The following TLR5 variants were observed in gnomAD, a reference collection of about 807,000 sequenced individuals.
TLR5 encodes toll-like receptor 5.
For missense variants in TLR5, 944 were observed against 999.8 expected, an observed-to-expected ratio of 0.94 and a Z score of 0.75; for synonymous variants, 373 against 384.4, an observed-to-expected ratio of 0.97 and a Z score of 0.35.
chr1:223,111,600 G>C lies in TLR5; in HGVS notation c.1432C>G (p.Leu478Val). ...TGCAACATATTTTCTCCAAGGAAAA[G>C]CTGTTCTAAGCTGGGATTCTCTGAA... ...TPSENPSLEQ[L>V]FLGENMLQLA... is the part of the protein sequence containing the mutation. The change falls in exon 6 of 6, where the codon CTT (leucine) becomes GTT (valine). Residue 478 changes from leucine (L) to valine (V), a missense_variant. Transcript: ENST00000642603. 6.2e-7 allele frequency: 1 copy of C among 1,614,190 alleles called. No homozygotes were observed. Among genetic ancestry groups the C allele is most frequent in the African/African-American group, 1.3e-5 (1 of 75,054 alleles).
At position 223,110,494 on chromosome 1, in the gene TLR5, GTCTT is replaced by G. The variant is rs778555339; in HGVS notation, c.2534_2537del (p.Lys845ThrfsTer9). On this transcript the variant is annotated frameshift_variant, in exon 6 of 6. Coordinates refer to ENST00000642603, the MANE Select transcript of TLR5 (RefSeq NM_003268.6). LOFTEE classifies it low-confidence loss of function (END_TRUNC). Reference sequence around the variant, plus strand: ...CTACAGTTTGCAACGGAATGTTATTGTCTTTCTTCTTTTCTTTTTCTTTCTTTAG... The same window carrying G: ...CTACAGTTTGCAACGGAATGTTATTGTCTTCTTTTCTTTTTCTTTCTTTAG... 1 of 1,614,124 alleles carries G rather than the reference GTCTT, an allele frequency of 6.2e-7. No homozygotes were observed. Among genetic ancestry groups the G allele is most frequent in the South Asian group, 1.1e-5 (1 of 91,078 alleles).
intron 5 of TLR5, among the ~76,000 whole-genome samples, chr1:223,114,768 A>C (rs1043398423): frequency 1.3e-5 from 2 of 152,226 alleles, no homozygotes; most frequent in African/African-American, 2.4e-5. Flanking sequence ...GAGAATGTTT[A>C]TCACCACTCT....
intron 5 of TLR5, among the ~76,000 whole-genome samples, chr1:223,116,609 T>C (rs1202631025): frequency 1.3e-5 from 2 of 152,200 alleles, no homozygotes; most frequent in Admixed American, 1.3e-4. Flanking sequence ...GGGCTGCCAC[T>C]GCTGGCCGCC....
chr1:223,123,825 A>G (rs956104944), intron 5 of TLR5: 1 of 152,256 alleles, frequency 6.6e-6, no homozygotes, highest in Non-Finnish European at 1.5e-5. Flanking sequence ...CGAGAGTTCA[A>G]GAACGGCGTC....
At position 223,112,000 on chromosome 1, in the gene TLR5, T is replaced by C; in HGVS notation, c.1032A>G (p.Ser344=). 1.2e-6 allele frequency: 2 copies of C among 1,614,236 alleles called. No individual in the cohort carries two copies. The highest frequency in any genetic ancestry group is 1.7e-6 in the Non-Finnish European group (2 of 1,180,038). ...GLDNLQVLNL[S]YNLLGELYSS... The stretch of plus-strand genomic sequence containing the variant: ...TGTAAAGTTCCCCCAGAAGGTTATA[T>C]GACAAATTGAGAACTTGGAGGTTGT... Residue 344 remains serine (S), a synonymous_variant, in exon 6 of 6, where the codon TCA becomes TCG. Coordinates refer to ENST00000642603, the MANE Select transcript of TLR5 (RefSeq NM_003268.6).
chr1:223,140,942 A>G (rs1374782252), intron 2 of TLR5, among the ~76,000 whole-genome samples: 1 of 152,236 alleles, frequency 6.6e-6, no homozygotes, highest in Admixed American at 6.5e-5. Context: ...AGCAGGGACT[A>G]TGCCTCAAAC....
Position 223,112,749 on chromosome 1 carries a change from G to A in TLR5, c.283C>T (p.Pro95Ser), listed in dbSNP as rs1415924342. ...CCCAGGTCCAAGATTCTAAGGTTGG[G>A]CAGGTTTCTGAAGGCCTCCTTGTCA... ...TIDKEAFRNL[P>S]NLRILDLGSS... Residue 95 changes from proline (P) to serine (S), a missense_variant, in exon 6 of 6, where the codon CCC becomes TCC. Transcript: ENST00000642603. 1.2e-6 allele frequency: 2 copies of A among 1,614,114 alleles called. No homozygotes were observed. Among genetic ancestry groups the A allele is most frequent in the South Asian group, 2.2e-5 (2 of 91,062 alleles).
Position 223,111,925 on chromosome 1 carries a change from C to A in TLR5, c.1107G>T (p.Lys369Asn), listed in dbSNP as rs775109650. 1.9e-6 allele frequency: 3 copies of A among 1,614,106 alleles called. No homozygotes were observed. Among genetic ancestry groups the A allele is most frequent in the Non-Finnish European group, 2.5e-6 (3 of 1,180,018 alleles). Residue 369 changes from lysine (K) to asparagine (N), a missense_variant, in exon 6 of 6, where the codon AAG (lysine) becomes AAT (asparagine). Coordinates refer to ENST00000642603, the MANE Select transcript of TLR5 (RefSeq NM_003268.6). Reference sequence around the variant, plus strand: ...GGTCTTGAATTATTGCAATGTGATTCTTTTGCAAATCAATGTAGGCTACCT... The same window carrying A: ...GGTCTTGAATTATTGCAATGTGATTATTTTGCAAATCAATGTAGGCTACCT... ...LPKVAYIDLQ[K>N]NHIAIIQDQT...
intron 5 of TLR5, chr1:223,128,945 C>CA (rs1558129746): frequency 6.6e-6 from 1 of 152,234 alleles, no homozygotes; most frequent in East Asian, 1.9e-4. Flanking sequence ...AACTTGCAGT[C>CA]AAGACCCTCT....
intron 2 of TLR5, among the ~76,000 whole-genome samples, chr1:223,139,822 T>G (rs1178271271): frequency 1.3e-5 from 2 of 152,228 alleles, no homozygotes; most frequent in African/African-American, 4.8e-5. Context: ...ATCTAATTTA[T>G]CCAATCTGAG....
chr1:223,124,342 C>G (rs559542607), intron 5 of TLR5, among the ~76,000 whole-genome samples: 219 of 151,510 alleles, frequency 1.4e-3, no homozygotes, highest in African/African-American at 5.1e-3. Context: ...ACTTGGGAGG[C>G]TGAAGCAGGA....
At chr1:223,125,861 C>A (rs923475468) in intron 5 of TLR5, among the ~76,000 whole-genome samples, 1 of 152,156 alleles carries the variant, frequency 6.6e-6, no homozygotes, top group Non-Finnish European at 1.5e-5. Flanking sequence ...GGTGACTCCA[C>A]CAGCAGAGAG....
At chr1:223,114,261 C>G (rs1656515291) in intron 5 of TLR5, among the ~76,000 whole-genome samples, 1 of 152,094 alleles carries the variant, frequency 6.6e-6, no homozygotes, top group East Asian at 1.9e-4. Context: ...GCTTATGTTC[C>G]AAGTATTGTG....
intron 5 of TLR5, among the ~76,000 whole-genome samples, chr1:223,114,018 T>A (rs772185323): frequency 2.0e-5 from 3 of 152,174 alleles, no homozygotes; most frequent in Non-Finnish European, 4.4e-5. Context: ...GTCCATCCCA[T>A]CATGCAGAAA....
At chr1:223,140,862 C>T (rs1657810315) in intron 2 of TLR5, among the ~76,000 whole-genome samples, 1 of 152,218 alleles carries the variant, frequency 6.6e-6, no homozygotes, top group Non-Finnish European at 1.5e-5. Flanking sequence ...TACTTTCGCA[C>T]TTAATTGCGC....
At chr1:223,130,374 C>T (rs1414131132) in intron 5 of TLR5, among the ~76,000 whole-genome samples, 1 of 152,204 alleles carries the variant, frequency 6.6e-6, no homozygotes, top group Non-Finnish European at 1.5e-5. Flanking sequence ...ACTGTGTTGC[C>T]AGCACCTAGA....
Position 223,110,552 on chromosome 1 carries a change from C to T in TLR5, c.2480G>A (p.Trp827Ter). 12 of 1,614,044 alleles carry T rather than the reference C, an allele frequency of 7.4e-6. No homozygotes were observed. The highest frequency in any genetic ancestry group is 9.3e-6 in the Non-Finnish European group (11 of 1,180,008). ...CTGTTGAGAGAGTTTATGAAGAAAC[C>T]AGCCAACATCCTGGAGATCCTCAGG... Reference protein sequence around the residue: ...RWPEDLQDVGWFLHKLSQQIL... With the variant: ...RWPEDLQDVG Residue 827 changes from tryptophan (W) to a stop codon, truncating the protein, a stop_gained, in exon 6 of 6, where the codon TGG becomes TAG. Coordinates refer to ENST00000642603, the MANE Select transcript of TLR5 (RefSeq NM_003268.6). LOFTEE classifies it low-confidence loss of function (END_TRUNC).
In TLR5 at chr1:223,110,952, C is replaced by T. The variant is rs766055629; in HGVS notation, c.2080G>A (p.Asp694Asn). ...TTGCTGCTGAAGCACAAATAGGCAT[C>T]ATATTTGTACATATCAGGTTCTGTG... The part of the protein sequence containing the change: ...QGTEPDMYKY[D>N]AYLCFSSKDF... Residue 694 changes from aspartate (D) to asparagine (N), a missense_variant, in exon 6 of 6, where the codon GAT (aspartate) becomes AAT (asparagine). Asp to Asn is a conservative substitution (Grantham distance 23, BLOSUM62 1). Transcript: ENST00000642603. 5.0e-6 allele frequency: 8 copies of T among 1,614,130 alleles called. No individual in the cohort carries two copies. Among genetic ancestry groups the T allele is most frequent in the Non-Finnish European group, 6.8e-6 (8 of 1,180,054 alleles).
chr1:223,141,605 T>G (rs1194789248), intron 2 of TLR5, 43 bp downstream of exon 2: 2 of 151,740 alleles, frequency 1.3e-5, no homozygotes, highest in African/African-American at 4.8e-5. Flanking sequence ...AAACCCCATT[T>G]CTACTAAAAA....
Sources: gnomAD v4.1 joint callset for allele counts (sites outside exome capture counted in the v4.1 genomes callset) on GRCh38, gnomAD v4.1.1 for gene constraint, MANE v1.5 for transcripts, NCBI Gene and HGNC (gene_info 2026-07-23, HGNC 2026-07-21) for gene names.